GTF2IRD1: variants seen among roughly 807,000 people sequenced by gnomAD.
GTF2IRD1 encodes the protein GTF2I repeat domain containing 1, also known as general transcription factor II-I repeat domain-containing protein 1.
Under a neutral mutation model 113.2 loss-of-function variants are expected in GTF2IRD1, and 26 were observed. The observed-to-expected ratio is 0.23, with a 90% CI of 0.17 to 0.32. The LOEUF (loss-of-function observed/expected upper bound fraction) is 0.32, where lower values mean the gene tolerates loss of function less well. GTF2IRD1 is among the 10% of genes least tolerant of loss of function. GTF2IRD1 has a pLI of 1.00. For synonymous variants in GTF2IRD1, 484 were observed against 529.1 expected (o/e 0.91, Z 1.17); for missense variants, 864 against 1,280.8 (o/e 0.67, Z 4.97).
At chr7:74,521,182 C>G in intron 6 of GTF2IRD1, 26 bp from the exon 7 acceptor site, 1 of 1,434,638 alleles carries the variant, frequency 7.0e-7, no homozygotes. Flanking sequence ...CCACCTGGAA[C>G]CTTCTTCCTT....
At chr7:74,524,033 TG>T in intron 7 of GTF2IRD1, 37 bp from the exon 8 acceptor site, 1 of 1,454,730 alleles carries the variant, frequency 6.9e-7, no homozygotes, top group Non-Finnish European at 9.6e-7. Context: ...GACCGTCCCG[TG>T]GGGCCCTGCT....
intron 1 of GTF2IRD1, among the ~76,000 whole-genome samples, chr7:74,498,640 A>G (rs1554338659): frequency 6.6e-6 from 1 of 152,068 alleles, no homozygotes; most frequent in African/African-American, 2.4e-5. Context: ...AAACATTTAA[A>G]TAAAACATAG....
At chr7:74,586,594 G>A (rs1293217477) in intron 22 of GTF2IRD1, among the ~76,000 whole-genome samples, 1 of 152,208 alleles carries the variant, frequency 6.6e-6, no homozygotes, top group East Asian at 1.9e-4. Context: ...GGGAGGACCT[G>A]AGGTGGTGGG....
At chr7:74,525,164 G>C (rs763444677) in intron 8 of GTF2IRD1, among the ~76,000 whole-genome samples, 29 of 152,200 alleles carry the variant, frequency 1.9e-4, no homozygotes, top group Admixed American at 9.2e-4. Flanking sequence ...AGCTTTACCT[G>C]TGCTGTGCCC....
At chr7:74,556,333 T>C (rs782034644) in intron 19 of GTF2IRD1, among the ~76,000 whole-genome samples, 2 of 151,794 alleles carry the variant, frequency 1.3e-5, no homozygotes, top group Non-Finnish European at 2.9e-5. Flanking sequence ...CTTTGTTTGT[T>C]TGTTTGGATG....
Position 74,512,344 on chromosome 7 carries a change from T to C in GTF2IRD1, c.124-486T>C, listed in dbSNP as rs561631284. Reference sequence around the variant, plus strand: ...TCCAGCCTGGGCGACAGAGTGAGACTGTGTCTCAAAAAACAAAACAAAACA... The same window carrying C: ...TCCAGCCTGGGCGACAGAGTGAGACCGTGTCTCAAAAAACAAAACAAAACA... On this transcript the variant is annotated intron_variant, in intron 2 of 26. Coordinates refer to ENST00000424337, the MANE Select transcript of GTF2IRD1 (RefSeq NM_005685.4). This position sits in a 1 kb window ranked among gnomAD's most constrained non-coding sequence, Gnocchi z 4.4. 1.3e-5 allele frequency among the ~76,000 whole-genome samples: 2 copies of C among 152,256 alleles called. No homozygotes were observed. The highest frequency in any genetic ancestry group is 1.3e-4 in the Admixed American group (2 of 15,294).
At chr7:74,460,446 G>A (rs527911755) in intron 1 of GTF2IRD1, among the ~76,000 whole-genome samples, 11 of 150,496 alleles carry the variant, frequency 7.3e-5, no homozygotes, top group Admixed American at 2.0e-4. Context: ...GGGGTCTTGC[G>A]ATGTTGCCCA....
chr7:74,465,155 G>A (rs990052810), intron 1 of GTF2IRD1, among the ~76,000 whole-genome samples: 2 of 152,186 alleles, frequency 1.3e-5, no homozygotes, highest in Non-Finnish European at 2.9e-5. Context: ...CAGGGCTTTG[G>A]GGAAGGAGGT....
At chr7:74,575,176 A>G (rs146923801) in intron 22 of GTF2IRD1, among the ~76,000 whole-genome samples, 16 of 152,262 alleles carry the variant, frequency 1.1e-4, no homozygotes, top group African/African-American at 3.6e-4. Flanking sequence ...CAAAGCGTAA[A>G]CCATGGGAGC....
In GTF2IRD1 at chr7:74,508,236, C is replaced by T. The variant is rs10269362; in HGVS notation, c.123+33C>T. On this transcript the variant is annotated intron_variant, in intron 2 of 26. Transcript: ENST00000424337. ...TCCCCACCCACCCAAGAGGAGGGGA[C>T]AGGGTGAGCGTCCCCACCTGCCTTG... 0.016 allele frequency: 24,799 copies of T among 1,599,308 alleles called. 2,102 individuals carry two copies. The African/African-American group carries it at 0.23, about 15-fold the overall frequency.
rs782132630 is a variant in GTF2IRD1 at position 74,497,474 on chromosome 7, C to G, written c.-6-10601C>G. Among the ~76,000 whole-genome samples, 13 of 152,124 alleles carry G rather than the reference C, an allele frequency of 8.5e-5. No individual in the cohort carries two copies. The East Asian group carries it at 2.5e-3, about 29-fold the overall frequency. On this transcript the variant is annotated intron_variant, in intron 1 of 26. Coordinates refer to ENST00000424337, the MANE Select transcript of GTF2IRD1 (RefSeq NM_005685.4). ...AGATGGAATCTTGCCAGGCTGGTCTCAAACTCCTGAGCTCAAGCAATCCTC... is the reference window on the plus strand; with the variant it reads ...AGATGGAATCTTGCCAGGCTGGTCTGAAACTCCTGAGCTCAAGCAATCCTC...
At chr7:74,491,518 C>G (rs1356819585) in intron 1 of GTF2IRD1, among the ~76,000 whole-genome samples, 4 of 151,824 alleles carry the variant, frequency 2.6e-5, no homozygotes, top group Non-Finnish European at 5.9e-5. Context: ...GTGTTGCCCC[C>G]CTCTCTGTGT....
In GTF2IRD1 at chr7:74,555,413, T is replaced by C. The variant is rs1799532660; in HGVS notation, c.1967-25T>C. 6.2e-7 allele frequency: 1 copy of C among 1,613,584 alleles called. No individual in the cohort carries two copies. The highest frequency in any genetic ancestry group is 8.5e-7 in the Non-Finnish European group (1 of 1,179,598). On this transcript the variant is annotated intron_variant, in intron 18 of 26. Coordinates refer to ENST00000424337, the MANE Select transcript of GTF2IRD1 (RefSeq NM_005685.4). This position sits in a 1 kb window ranked among gnomAD's most constrained non-coding sequence, Gnocchi z 5.3. Reference sequence around the variant, plus strand: ...CCCAGGAACTGCCTCCTCACTTGGCTTCTCTCCCCCTGCCCTGCCCCCAGA... The same window carrying C: ...CCCAGGAACTGCCTCCTCACTTGGCCTCTCTCCCCCTGCCCTGCCCCCAGA...
chr7:74,555,589 G>A lies in GTF2IRD1; in HGVS notation c.2023+95G>A. The A allele has an allele frequency of 7.5e-6, 6 of 799,886 alleles. No homozygotes were observed. Among genetic ancestry groups the A allele is most frequent in the Non-Finnish European group, 1.3e-5 (6 of 468,570 alleles). The allele number at this position is 799,886 out of a possible 1,614,324, so 49.5% of individuals were successfully genotyped here. On this transcript the variant is annotated intron_variant, in intron 19 of 26. Coordinates refer to ENST00000424337, the MANE Select transcript of GTF2IRD1 (RefSeq NM_005685.4). This position sits in a 1 kb window ranked among gnomAD's most constrained non-coding sequence, Gnocchi z 5.3. ...GCCAGGCTGGAAGTGGGGAGGAGCT[G>A]GCCCCCAACTTCAGGGCCTAAGGGA... is the stretch of plus-strand genomic sequence containing the variant.
chr7:74,475,261 A>T (rs1049384867), intron 1 of GTF2IRD1, among the ~76,000 whole-genome samples: 2 of 152,198 alleles, frequency 1.3e-5, no homozygotes, highest in Non-Finnish European at 2.9e-5. Context: ...CTGTCTCTTA[A>T]AAAAAGAAAG....
At chr7:74,473,733 T>C (rs1420751596) in intron 1 of GTF2IRD1, among the ~76,000 whole-genome samples, 2 of 152,016 alleles carry the variant, frequency 1.3e-5, no homozygotes, top group African/African-American at 4.8e-5. Context: ...TTCCAGGAAC[T>C]GTCCATAACC....
At chr7:74,570,206 T>TAA (rs1800613626) in intron 22 of GTF2IRD1, among the ~76,000 whole-genome samples, 2 of 148,902 alleles carry the variant, frequency 1.3e-5, no homozygotes, top group South Asian at 4.3e-4. Flanking sequence ...CACCAAAAAA[T>TAA]ACAAAAATTA....
At chr7:74,490,472 C>G (rs797041537) in intron 1 of GTF2IRD1, among the ~76,000 whole-genome samples, 2 of 152,022 alleles carry the variant, frequency 1.3e-5, no homozygotes, top group African/African-American at 2.4e-5. Context: ...CACTCTACCC[C>G]CACTGGGGAG....
intron 21 of GTF2IRD1, among the ~76,000 whole-genome samples, chr7:74,559,292 G>T (rs1554358309): frequency 6.6e-6 from 1 of 152,148 alleles, no homozygotes; most frequent in African/African-American, 2.4e-5. Context: ...TCTTCAACCT[G>T]TTCAGCAACA....
Sources: allele counts gnomAD v4.1 joint callset (sites outside exome capture counted in the v4.1 genomes callset), GRCh38; gene constraint gnomAD v4.1.1; non-coding constraint Gnocchi (gnomAD v3.1); transcripts MANE v1.5; gene names NCBI Gene and HGNC (gene_info 2026-07-23, HGNC 2026-07-21).